The following NEGR1 variants were observed in gnomAD, a reference collection of about 807,000 sequenced individuals.
NEGR1 encodes neuronal growth regulator 1, also known as IgLON family member 4.
A neutral mutation model predicts 40.9 loss-of-function variants in NEGR1; 10 were observed. That is an observed-to-expected ratio of 0.24 (90% CI 0.15 to 0.42). The LOEUF (loss-of-function observed/expected upper bound fraction) is 0.42. Among genes scored for constraint, NEGR1 ranks in the 10% least tolerant of loss-of-function variants. The pLI is 1.00. For synonymous variants in NEGR1, 185 were observed against 166.8 expected (o/e 1.11, Z -0.84); for missense variants, 352 against 438.9 (o/e 0.80, Z 1.77).
Position 71,782,372 on chromosome 1 carries a change from G to A in NEGR1, c.410-6075C>T, listed in dbSNP as rs114580855. Among the ~76,000 whole-genome samples the A allele has an allele frequency of 2.9e-3, 437 of 152,110 alleles. 1 individual carries two copies. The highest frequency in any genetic ancestry group is 9.8e-3 in the African/African-American group (406 of 41,492). On this transcript the variant is annotated intron_variant, in intron 2 of 6. Coordinates refer to ENST00000357731, the MANE Select transcript of NEGR1 (RefSeq NM_173808.3). Reference sequence around the variant, plus strand: ...TCTAGTTTATGGCATTTTTTATAGCGCCTGAATGTACTAGGACAGAATGTG... The same window carrying A: ...TCTAGTTTATGGCATTTTTTATAGCACCTGAATGTACTAGGACAGAATGTG...
At chr1:72,135,820 G>T (rs1478999414) in intron 1 of NEGR1, among the ~76,000 whole-genome samples, 1 of 152,104 alleles carries the variant, frequency 6.6e-6, no homozygotes, top group Non-Finnish European at 1.5e-5. Flanking sequence ...TTAATACCTG[G>T]TATCACATCT....
intron 3 of NEGR1, among the ~76,000 whole-genome samples, chr1:71,749,881 C>T (rs922576109): frequency 2.0e-5 from 3 of 152,124 alleles, no homozygotes; most frequent in Non-Finnish European, 1.5e-5. Context: ...CAGAAGCAGT[C>T]ACTATAGCCC....
intron 3 of NEGR1, among the ~76,000 whole-genome samples, chr1:71,727,702 T>C (rs1337251196): frequency 6.6e-6 from 1 of 152,072 alleles, no homozygotes; most frequent in Non-Finnish European, 1.5e-5. Flanking sequence ...GCAAGACTTG[T>C]GTAGTCTGAA....
intron 1 of NEGR1, among the ~76,000 whole-genome samples, chr1:72,169,289 C>A (rs1651879048): frequency 6.6e-6 from 1 of 152,008 alleles, no homozygotes; most frequent in Admixed American, 6.6e-5. Flanking sequence ...ATTTTTATGT[C>A]TTTTAGCTAT....
At chr1:71,719,330 A>C (rs1446735724) in intron 3 of NEGR1, among the ~76,000 whole-genome samples, 1 of 152,232 alleles carries the variant, frequency 6.6e-6, no homozygotes, top group Non-Finnish European at 1.5e-5. Context: ...AAAGAATAAA[A>C]GATAATTAAA....
chr1:71,943,899 A>G (rs948612034), intron 1 of NEGR1, among the ~76,000 whole-genome samples: 1 of 152,218 alleles, frequency 6.6e-6, no homozygotes, highest in African/African-American at 2.4e-5. Context: ...TACTGAATGC[A>G]TGAATACAAA....
At chr1:71,788,609 G>A (rs1656996298) in intron 2 of NEGR1, among the ~76,000 whole-genome samples, 4 of 151,928 alleles carry the variant, frequency 2.6e-5, no homozygotes, top group Admixed American at 2.6e-4. Flanking sequence ...TTGATTTCCA[G>A]CAAGAGGATT....
At chr1:72,279,406 A>G (rs1050896140) in intron 1 of NEGR1, among the ~76,000 whole-genome samples, 6 of 152,194 alleles carry the variant, frequency 3.9e-5, no homozygotes, top group Non-Finnish European at 8.8e-5. Flanking sequence ...TTAGCACTTA[A>G]AATTATTTGA....
intron 6 of NEGR1, among the ~76,000 whole-genome samples, chr1:71,526,831 A>T (rs771845960): frequency 1.3e-5 from 2 of 151,706 alleles, no homozygotes; most frequent in African/African-American, 4.8e-5. Context: ...GATCAAGCTT[A>T]CAGCAAGGAA....
chr1:71,860,155 G>A (rs909011045), intron 2 of NEGR1, among the ~76,000 whole-genome samples: 1 of 150,874 alleles, frequency 6.6e-6, no homozygotes, highest in African/African-American at 2.4e-5. Context: ...TGGTATATGT[G>A]TTCTTGTGTG....
At chr1:71,967,503 TAA>T (rs1646219816) in intron 1 of NEGR1, among the ~76,000 whole-genome samples, 1 of 152,192 alleles carries the variant, frequency 6.6e-6, no homozygotes, top group South Asian at 2.1e-4. Context: ...GGAATCTATT[TAA>T]AATATGAACA....
At chr1:71,552,773 G>C (rs1315504182) in intron 6 of NEGR1, among the ~76,000 whole-genome samples, 1 of 151,164 alleles carries the variant, frequency 6.6e-6, no homozygotes, top group Non-Finnish European at 1.5e-5. Context: ...TGGGTTTACT[G>C]CTTTAACTAC....
chr1:71,641,929 A>G (rs1388789745), intron 4 of NEGR1, among the ~76,000 whole-genome samples: 2 of 151,986 alleles, frequency 1.3e-5, no homozygotes, highest in East Asian at 1.9e-4. Flanking sequence ...TGAAAGGTTC[A>G]CTAATTTATG....
intron 1 of NEGR1, among the ~76,000 whole-genome samples, chr1:72,123,697 T>C (rs1175323679): frequency 6.6e-6 from 1 of 151,898 alleles, no homozygotes; most frequent in African/African-American, 2.4e-5. Flanking sequence ...AAAAAATTAG[T>C]CTTAAGTATG....
intron 3 of NEGR1, among the ~76,000 whole-genome samples, chr1:71,772,783 G>C (rs778425685): frequency 6.6e-6 from 1 of 152,072 alleles, no homozygotes; most frequent in Non-Finnish European, 1.5e-5. Flanking sequence ...AACTGGTTCA[G>C]TGAAATATAT....
At chr1:71,928,428 GTA>G (rs1262583697) in intron 2 of NEGR1, among the ~76,000 whole-genome samples, 2 of 81,238 alleles carry the variant, frequency 2.5e-5, no homozygotes, top group African/African-American at 9.8e-5. Flanking sequence ...ACACACATAT[GTA>G]TATATACACA....
intron 2 of NEGR1, among the ~76,000 whole-genome samples, chr1:71,800,339 C>T (rs1183953910): frequency 6.6e-6 from 1 of 152,116 alleles, no homozygotes; most frequent in African/African-American, 2.4e-5. Flanking sequence ...TGTACAGAAG[C>T]TCTTTAGTTT....
chr1:72,017,189 A>C (rs1646719724), intron 1 of NEGR1, among the ~76,000 whole-genome samples: 1 of 151,834 alleles, frequency 6.6e-6, no homozygotes, highest in African/African-American at 2.4e-5. Flanking sequence ...AATATATAAC[A>C]TGAGTAGATA....
chr1:71,932,302 T>A (rs1257292968), intron 2 of NEGR1, among the ~76,000 whole-genome samples: 1 of 152,152 alleles, frequency 6.6e-6, no homozygotes, highest in South Asian at 2.1e-4. Context: ...TGTTTTGTTT[T>A]TTTTTGTTGT....
Sources: gnomAD v4.1 joint callset for allele counts (sites outside exome capture counted in the v4.1 genomes callset) on GRCh38, gnomAD v4.1.1 for gene constraint, MANE v1.5 for transcripts, NCBI Gene and HGNC (gene_info 2026-07-23, HGNC 2026-07-21) for gene names.